Variants in PKNOX1 observed in about 807,000 individuals in gnomAD.
PKNOX1 encodes the protein homeobox protein PKNOX1.
In PKNOX1, 15 loss-of-function variants were observed where a neutral mutation model predicts 51.9. The observed-to-expected ratio is 0.29, with a 90% CI of 0.19 to 0.45. PKNOX1 has a LOEUF of 0.45. PKNOX1 is among the 20% of genes least tolerant of loss of function. PKNOX1 has a pLI of 1.00. For missense variants in PKNOX1, 462 were observed against 547.5 expected (o/e 0.84, Z 1.56); for synonymous variants, 219 against 211.1 (o/e 1.04, Z -0.32).
intron 4 of PKNOX1, among the ~76,000 whole-genome samples, chr21:43,011,899 C>T (rs1006423632): frequency 2.6e-5 from 4 of 152,288 alleles, no homozygotes; most frequent in East Asian, 1.9e-4. Flanking sequence ...ATGCTCTCTC[C>T]ACCCCTGAGT....
chr21:42,993,455 G>C (rs1270281847), intron 1 of PKNOX1, among the ~76,000 whole-genome samples: 1 of 152,030 alleles, frequency 6.6e-6, no homozygotes, highest in Non-Finnish European at 1.5e-5. Flanking sequence ...TGTTCCACCA[G>C]CACCTTCAGT....
Position 43,021,272 on chromosome 21 carries a change from GCTTT to G in PKNOX1, c.721-28_721-25del. On this transcript the variant is annotated intron_variant, in intron 7 of 10. Coordinates refer to ENST00000291547, the MANE Select transcript of PKNOX1 (RefSeq NM_004571.5). The surrounding 1 kb of genome is among the most constrained non-coding windows in gnomAD (Gnocchi z 4.6). ...ACTTGGATATGTGAGAATTTCCTAT[GCTTT>G]CTAATGTTATTTTTCAACTTTAAAA... is the stretch of plus-strand genomic sequence containing the variant. The G allele has an allele frequency of 1.3e-6, 2 of 1,558,582 alleles. No individual in the cohort carries two copies. The highest frequency in any genetic ancestry group is 2.3e-5 in the South Asian group (2 of 85,716).
At chr21:43,028,604 G>C in intron 9 of PKNOX1, 98 bp from the exon 10 acceptor site, 1 of 1,079,894 alleles carries the variant, frequency 9.3e-7, no homozygotes, top group Non-Finnish European at 1.4e-6. Flanking sequence ...TTTGTAGCGT[G>C]CTTCGTAGAG....
In PKNOX1 at chr21:43,024,955, G is replaced by A. The variant is rs773915883; in HGVS notation, c.926+8G>A. 1 of 1,587,438 alleles carries A rather than the reference G, an allele frequency of 6.3e-7. No homozygotes were observed. The highest frequency in any genetic ancestry group is 1.7e-5 in the Admixed American group (1 of 59,736). On this transcript the variant is annotated splice_region_variant and intron_variant, in intron 9 of 10. Coordinates refer to ENST00000291547, the MANE Select transcript of PKNOX1 (RefSeq NM_004571.5). Reference sequence around the variant, plus strand: ...ACTCCAAGTCAACAACTGGTAAGGTGCCCTGCTTCCTGAAATCATGCTGTC... The same window carrying A: ...ACTCCAAGTCAACAACTGGTAAGGTACCCTGCTTCCTGAAATCATGCTGTC...
In PKNOX1 at chr21:43,007,578, T is replaced by A. The variant is rs1302312293; in HGVS notation, c.139T>A (p.Ser47Thr). ...AGGAGTGAGCCCTCCCCCTGTGGAG[T>A]CTCAGACCCCGATGGATGTGGACAA... ...AEGVSPPPVE[S>T]QTPMDVDKQA... is the part of the protein sequence containing the mutation. The change falls in exon 3 of 11, where the codon TCT becomes ACT. Residue 47 changes from serine to threonine, a missense_variant. Coordinates refer to ENST00000291547, the MANE Select transcript of PKNOX1 (RefSeq NM_004571.5). 2 of 1,613,764 alleles carry A rather than the reference T, an allele frequency of 1.2e-6. No individual in the cohort carries two copies. The highest frequency in any genetic ancestry group is 2.2e-5 in the South Asian group (2 of 91,060).
intron 1 of PKNOX1, among the ~76,000 whole-genome samples, chr21:42,986,505 AC>A (rs2059053245): frequency 6.6e-6 from 1 of 151,514 alleles, no homozygotes; most frequent in South Asian, 2.1e-4. Flanking sequence ...GGTCTCAAAA[AC>A]AAAAAAAAAG....
At position 43,030,220 on chromosome 21, in the gene PKNOX1, A is replaced by G. The variant is rs1980195448; in HGVS notation, c.*119A>G. ...GAGTGCACTTTTGTATTTCATAGTA[A>G]GCTTAAAGCGCGTCTTTGCCGGTGC... On this transcript the variant is annotated 3_prime_UTR_variant, in exon 11 of 11. Coordinates refer to ENST00000291547, the MANE Select transcript of PKNOX1 (RefSeq NM_004571.5). The G allele has an allele frequency of 2.5e-6, 2 of 803,538 alleles. No homozygotes were observed. Among genetic ancestry groups the G allele is most frequent in the Admixed American group, 6.3e-5 (2 of 31,764 alleles). The allele number at this position is 803,538 out of a possible 1,614,324, so 49.8% of individuals were successfully genotyped here.
intron 1 of PKNOX1, among the ~76,000 whole-genome samples, chr21:42,981,112 G>A (rs2059023158): frequency 6.6e-6 from 1 of 152,216 alleles, no homozygotes; most frequent in Admixed American, 6.5e-5. Context: ...TCTTGCATCC[G>A]TGTGCAGCAC....
Sources: allele counts gnomAD v4.1 joint callset (sites outside exome capture counted in the v4.1 genomes callset), GRCh38; gene constraint gnomAD v4.1.1; non-coding constraint Gnocchi (gnomAD v3.1); transcripts MANE v1.5; gene names NCBI Gene and HGNC (gene_info 2026-07-23, HGNC 2026-07-21).